LRRC4C: variants seen among roughly 807,000 people sequenced by gnomAD.
LRRC4C encodes leucine-rich repeat-containing protein 4C.
Under a neutral mutation model 33.6 loss-of-function variants are expected in LRRC4C, and 5 were observed. That is an observed-to-expected ratio of 0.15 (90% CI 0.08 to 0.31). The LOEUF (loss-of-function observed/expected upper bound fraction) is 0.31. LRRC4C is among the 10% of genes least tolerant of loss of function. LRRC4C has a pLI of 1.00. For missense variants in LRRC4C, 560 were observed against 796.7 expected (o/e 0.70, Z 3.58); for synonymous variants, 329 against 302.0 (o/e 1.09, Z -0.93).
At chr11:40,870,649 C>A (rs1954589973) in intron 2 of LRRC4C, among the ~76,000 whole-genome samples, 1 of 152,126 alleles carries the variant, frequency 6.6e-6, no homozygotes, top group Non-Finnish European at 1.5e-5. Flanking sequence ...CCAATCAATA[C>A]CCTTGTGATT....
intron 3 of LRRC4C, among the ~76,000 whole-genome samples, chr11:40,627,266 AGAGAGAGAGC>A (rs1298345754): frequency 1.2e-5 from 1 of 80,850 alleles, no homozygotes; most frequent in African/African-American, 4.0e-5. Context: ...AGAGAGAGAG[AGAGAGAGAGC>A]GAGAGAGAGA....
At chr11:40,831,617 C>T (rs528333597) in intron 2 of LRRC4C, among the ~76,000 whole-genome samples, 5 of 151,848 alleles carry the variant, frequency 3.3e-5, no homozygotes, top group South Asian at 2.1e-4. Context: ...AAGAAATACC[C>T]GAGACTGGGT....
chr11:40,599,957 T>G (rs1959809041), intron 3 of LRRC4C, among the ~76,000 whole-genome samples: 1 of 152,192 alleles, frequency 6.6e-6, no homozygotes, highest in African/African-American at 2.4e-5. Flanking sequence ...GATCAAGGAA[T>G]TTGAACTCCT....
At chr11:41,324,005 T>C (rs1000708065) in intron 1 of LRRC4C, among the ~76,000 whole-genome samples, 1 of 152,220 alleles carries the variant, frequency 6.6e-6, no homozygotes, top group Non-Finnish European at 1.5e-5. Flanking sequence ...AATATTGTTT[T>C]TTAAACTGTG....
intron 5 of LRRC4C, among the ~76,000 whole-genome samples, chr11:40,171,624 G>C (rs551231822): frequency 6.6e-6 from 1 of 152,200 alleles, no homozygotes; most frequent in East Asian, 1.9e-4. Flanking sequence ...ATAAAGAGAG[G>C]AAACTAACAG....
At chr11:40,335,798 G>A (rs1946570609) in intron 3 of LRRC4C, among the ~76,000 whole-genome samples, 2 of 152,208 alleles carry the variant, frequency 1.3e-5, no homozygotes, top group African/African-American at 4.8e-5. Context: ...AGAGTACACT[G>A]TGTAACGCAG....
intron 1 of LRRC4C, among the ~76,000 whole-genome samples, chr11:41,218,931 C>A (rs183322734): frequency 6.6e-6 from 1 of 152,010 alleles, no homozygotes; most frequent in African/African-American, 2.4e-5. Flanking sequence ...CCACGCCCGG[C>A]TAAATTTTTG....
intron 3 of LRRC4C, among the ~76,000 whole-genome samples, chr11:40,557,352 A>G (rs1270195364): frequency 6.6e-6 from 1 of 152,156 alleles, no homozygotes; most frequent in Non-Finnish European, 1.5e-5. Flanking sequence ...AGTTCCTTGT[A>G]TGAAAATTAG....
intron 1 of LRRC4C, among the ~76,000 whole-genome samples, chr11:40,951,671 G>T (rs1958696451): frequency 6.6e-6 from 1 of 151,872 alleles, no homozygotes; most frequent in East Asian, 1.9e-4. Context: ...TATCATAAGG[G>T]AATCCTCTAT....
intron 3 of LRRC4C, among the ~76,000 whole-genome samples, chr11:40,640,338 A>G (rs931665641): frequency 1.3e-5 from 2 of 152,046 alleles, no homozygotes; most frequent in African/African-American, 4.8e-5. Context: ...ATTTTGTCTT[A>G]CTGCGCTGAC....
At chr11:41,145,159 C>T (rs765617103) in intron 1 of LRRC4C, among the ~76,000 whole-genome samples, 1 of 152,098 alleles carries the variant, frequency 6.6e-6, no homozygotes, top group African/African-American at 2.4e-5. Flanking sequence ...ATAGCTTTTT[C>T]TATTATAGCT....
chr11:41,199,059 A>G (rs1339845189), intron 1 of LRRC4C, among the ~76,000 whole-genome samples: 3 of 152,142 alleles, frequency 2.0e-5, no homozygotes, highest in East Asian at 1.9e-4. Flanking sequence ...ATGCCCTTGC[A>G]TGGCATTGAT....
intron 2 of LRRC4C, among the ~76,000 whole-genome samples, chr11:40,724,420 G>A (rs1053301600): frequency 1.2e-4 from 18 of 152,240 alleles, no homozygotes; most frequent in African/African-American, 3.9e-4. Context: ...TTGAGCCAGA[G>A]TGAAACAAAA....
At chr11:41,388,784 A>G (rs1408726383) in intron 1 of LRRC4C, among the ~76,000 whole-genome samples, 1 of 151,912 alleles carries the variant, frequency 6.6e-6, no homozygotes, top group Non-Finnish European at 1.5e-5. Flanking sequence ...GAGGGTTCTT[A>G]CCAGTTAGTG....
At chr11:40,811,329 C>T (rs1251917038) in intron 2 of LRRC4C, among the ~76,000 whole-genome samples, 1 of 152,062 alleles carries the variant, frequency 6.6e-6, no homozygotes, top group Non-Finnish European at 1.5e-5. Context: ...GTTGATTGTA[C>T]CTCAAGCTTA....
intron 2 of LRRC4C, among the ~76,000 whole-genome samples, chr11:40,878,253 C>T (rs1390791222): frequency 6.6e-6 from 1 of 152,068 alleles, no homozygotes; most frequent in Non-Finnish European, 1.5e-5. Flanking sequence ...ATCAACTCAC[C>T]TGCCACAGTA....
intron 1 of LRRC4C, among the ~76,000 whole-genome samples, chr11:41,363,318 A>T (rs1403737893): frequency 6.6e-6 from 1 of 152,220 alleles, no homozygotes; most frequent in Non-Finnish European, 1.5e-5. Context: ...ACTCTTCAGA[A>T]TATTTACCAA....
At chr11:40,655,028 C>G (rs895900092) in intron 2 of LRRC4C, among the ~76,000 whole-genome samples, 11 of 152,128 alleles carry the variant, frequency 7.2e-5, no homozygotes, top group African/African-American at 2.7e-4. Context: ...TGAGGCCTCC[C>G]CAGCCATGCA....
At chr11:41,293,867 G>A (rs1221770688) in intron 1 of LRRC4C, among the ~76,000 whole-genome samples, 1 of 152,112 alleles carries the variant, frequency 6.6e-6, no homozygotes, top group Non-Finnish European at 1.5e-5. Flanking sequence ...AACATGCAGG[G>A]ATTACAGGTG....
Sources: gnomAD v4.1 joint callset for allele counts (sites outside exome capture counted in the v4.1 genomes callset) on GRCh38, gnomAD v4.1.1 for gene constraint, MANE v1.5 for transcripts, NCBI Gene and HGNC (gene_info 2026-07-23, HGNC 2026-07-21) for gene names.